The following TIAM2 variants were observed in gnomAD, a reference collection of about 807,000 sequenced individuals.
TIAM2 encodes rho guanine nucleotide exchange factor TIAM2.
Under a neutral mutation model 152.9 loss-of-function variants are expected in TIAM2, and 80 were observed. The ratio of observed to expected loss-of-function variants is 0.52; its 90% CI spans 0.44 to 0.63. The LOEUF (loss-of-function observed/expected upper bound fraction) is 0.63, where lower values mean the gene tolerates loss of function less well. TIAM2 is among the 30% of genes least tolerant of loss of function. The pLI is 0.00. For missense variants in TIAM2, 1,965 were observed against 2,120.1 expected (o/e 0.93, Z 1.44); for synonymous variants, 804 against 838.0 (o/e 0.96, Z 0.70).
chr6:155,018,444 AC>A (rs1264967456), intron 1 of TIAM2, among the ~76,000 whole-genome samples: 2 of 151,196 alleles, frequency 1.3e-5, no homozygotes, highest in Non-Finnish European at 2.9e-5. Context: ...ACACAGTGAA[AC>A]CCCGTGTCAC....
intron 15 of TIAM2, among the ~76,000 whole-genome samples, chr6:155,221,107 CTTGTT>C (rs1453379158): frequency 3.2e-4 from 21 of 65,480 alleles, no homozygotes; most frequent in African/African-American, 7.0e-4. Context: ...TCTCTTTCAT[CTTGTT>C]TTTTTTTTTT....
intron 7 of TIAM2, among the ~76,000 whole-genome samples, chr6:155,155,385 C>CA (rs1780080659): frequency 6.6e-6 from 1 of 152,216 alleles, no homozygotes; most frequent in African/African-American, 2.4e-5. Flanking sequence ...ATGCTGGTCT[C>CA]AAACTCCTGA....
chr6:155,180,004 G>A lies in TIAM2; in HGVS notation c.2707+548G>A, dbSNP rs530855202. ...AGTTTAACAGTTGAGGGTCAGCTGG[G>A]CGCCGTGGCTCATGCCTGTAATCCC... On this transcript the variant is annotated intron_variant, in intron 12 of 26. Coordinates refer to ENST00000682666, the MANE Select transcript of TIAM2 (RefSeq NM_012454.4). 4.6e-5 allele frequency among the ~76,000 whole-genome samples: 7 copies of A among 152,300 alleles called. No individual in the cohort carries two copies. In the South Asian group the frequency reaches 6.2e-4, roughly 14 times the overall value.
chr6:155,179,430 C>T lies in TIAM2; in HGVS notation c.2681C>T (p.Thr894Met), dbSNP rs572376781. The stretch of plus-strand genomic sequence containing the variant: ...CTAAATGTTTATGACGTGCAGCTCA[C>T]GAAGACTGGGAGTGTGTGTGACTTT... ...FPLNVYDVQL[T>M]KTGSVCDFGF... Residue 894 changes from threonine (T) to methionine (M), a missense_variant, in exon 12 of 27, where the codon ACG becomes ATG. Thr to Met is a moderately conservative substitution (Grantham distance 81). Coordinates refer to ENST00000682666, the MANE Select transcript of TIAM2 (RefSeq NM_012454.4). 120 of 1,613,434 alleles carry T rather than the reference C, an allele frequency of 7.4e-5. No individual in the cohort carries two copies. In the South Asian group the frequency reaches 9.3e-4, roughly 12 times the overall value.
chr6:155,015,288 G>T (rs994572758), intron 1 of TIAM2, among the ~76,000 whole-genome samples: 10 of 152,138 alleles, frequency 6.6e-5, no homozygotes, highest in African/African-American at 2.4e-4. Flanking sequence ...GATTACATTT[G>T]GGTCAAGTCA....
At chr6:155,200,994 A>G (rs1781462028) in intron 14 of TIAM2, among the ~76,000 whole-genome samples, 2 of 152,322 alleles carry the variant, frequency 1.3e-5, no homozygotes, top group South Asian at 4.2e-4. Context: ...GCTCCTGGCA[A>G]CTATGAATCT....
chr6:155,186,967 A>G lies in TIAM2; in HGVS notation c.3064+3467A>G, dbSNP rs1781055094. On this transcript the variant is annotated intron_variant, in intron 14 of 26. Coordinates refer to ENST00000682666, the MANE Select transcript of TIAM2 (RefSeq NM_012454.4). This position sits in a 1 kb window ranked among gnomAD's most constrained non-coding sequence, Gnocchi z 4.5. ...TCTGTTTGCTTTTCCAGAGAAGCCA[A>G]TCCTTTGCTTGCTATAAAAACCAAA... 6.6e-6 allele frequency among the ~76,000 whole-genome samples: 1 copy of G among 152,292 alleles called. No individual in the cohort carries two copies. Among genetic ancestry groups the G allele is most frequent in the East Asian group, 1.9e-4 (1 of 5,176 alleles).
chr6:155,065,049 G>A (rs993267310), intron 1 of TIAM2, among the ~76,000 whole-genome samples: 7 of 152,042 alleles, frequency 4.6e-5, no homozygotes, highest in African/African-American at 1.4e-4. Flanking sequence ...TCCACCTCCC[G>A]GTTTCAAGGT....
At position 155,205,653 on chromosome 6, in the gene TIAM2, C is replaced by T. The variant is rs550665670; in HGVS notation, c.3065-5551C>T. Among the ~76,000 whole-genome samples the T allele has an allele frequency of 3.9e-5, 6 of 152,298 alleles. 1 individual carries two copies. In the South Asian group the frequency reaches 1.0e-3, roughly 26 times the overall value. ...GATGGCATCAGCCAGATGAACCATA[C>T]GTAGCTGCCTGAGGAGAGTCAGGCT... On this transcript the variant is annotated intron_variant, in intron 14 of 26. Coordinates refer to ENST00000682666, the MANE Select transcript of TIAM2 (RefSeq NM_012454.4).
intron 15 of TIAM2, among the ~76,000 whole-genome samples, chr6:155,226,622 G>A (rs181771669): frequency 9.1e-4 from 133 of 145,764 alleles, no homozygotes; most frequent in Non-Finnish European, 1.6e-3. Context: ...CAGAGATCGT[G>A]CCACTGCACT....
At position 155,218,923 on chromosome 6, in the gene TIAM2, TGTTCTTGACCATCTCAGCCGC is replaced by T. The variant is rs1781949797; in HGVS notation, c.3168+7617_3168+7637del. 2.9e-5 allele frequency among the ~76,000 whole-genome samples: 4 copies of T among 137,922 alleles called. No homozygotes were observed. The highest frequency in any genetic ancestry group is 5.6e-5 in the African/African-American group (2 of 35,942). 90.5% of individuals were successfully genotyped at this position (137,922 alleles called of 152,430 possible). On this transcript the variant is annotated intron_variant, in intron 15 of 26. Transcript: ENST00000682666. This position sits in a 1 kb window ranked among gnomAD's most constrained non-coding sequence, Gnocchi z 4.5. ...CCCGTGTTCTTGACCATCTCAGCCG[TGTTCTTGACCATCTCAGCCGC>T]CCACCCGTGTTCTTGACCATCTCAG... is the stretch of plus-strand genomic sequence containing the variant.
chr6:155,211,244 G>A lies in TIAM2; in HGVS notation c.3105G>A (p.Arg1035=). 2 of 1,613,584 alleles carry A rather than the reference G, an allele frequency of 1.2e-6. No homozygotes were observed. The highest frequency in any genetic ancestry group is 8.5e-7 in the Non-Finnish European group (1 of 1,179,624). ...NVPDITTGLK[R]SQTDGTLDQV... ...CTGATATCACAACAGGTCTGAAAAG[G>A]AGTCAGACAGATGGCACTCTGGATC... Residue 1035 remains arginine (R), a synonymous_variant, in exon 15 of 27, where the codon AGG becomes AGA. Transcript: ENST00000682666.
intron 1 of TIAM2, among the ~76,000 whole-genome samples, chr6:155,048,153 G>T (rs1481184543): frequency 2.0e-5 from 3 of 152,114 alleles, no homozygotes; most frequent in Non-Finnish European, 2.9e-5. Context: ...GGGTTTCACT[G>T]TATTGGCCAG....
rs993821748 is a variant in TIAM2, at chr6:155,257,209, A to G, written c.*88A>G. 4 of 1,298,766 alleles carry G rather than the reference A, an allele frequency of 3.1e-6. No individual in the cohort carries two copies. Among genetic ancestry groups the G allele is most frequent in the African/African-American group, 1.5e-5 (1 of 66,406 alleles). 80.5% of individuals were successfully genotyped at this position (1,298,766 alleles called of 1,614,324 possible). On this transcript the variant is annotated 3_prime_UTR_variant, in exon 27 of 27. Transcript: ENST00000682666. The stretch of plus-strand genomic sequence containing the variant: ...AAATTGCAAAAAAAAAAAAAAAAAA[A>G]AACTGTTCATTCCTGGGTTTTGTGC...
intron 23 of TIAM2, 29 bp downstream of exon 23, chr6:155,252,032 C>T (rs1194096564): frequency 1.3e-6 from 2 of 1,558,114 alleles, no homozygotes; most frequent in Non-Finnish European, 1.8e-6. Flanking sequence ...TTAATTTAAG[C>T]TACCTTTTCA....
chr6:155,050,922 C>T (rs1275223238), intron 1 of TIAM2, among the ~76,000 whole-genome samples: 3 of 152,174 alleles, frequency 2.0e-5, no homozygotes, highest in Non-Finnish European at 2.9e-5. Flanking sequence ...ATTCATTGGC[C>T]TATCTAATCA....
At chr6:155,154,403 G>A (rs1263098254) in intron 7 of TIAM2, among the ~76,000 whole-genome samples, 3 of 152,042 alleles carry the variant, frequency 2.0e-5, no homozygotes, top group Non-Finnish European at 2.9e-5. Flanking sequence ...AGCTACATAC[G>A]GTCAGTGGTG....
intron 1 of TIAM2, among the ~76,000 whole-genome samples, chr6:155,003,024 A>G (rs1327117278): frequency 6.6e-6 from 1 of 152,030 alleles, no homozygotes; most frequent in East Asian, 1.9e-4. Flanking sequence ...CCACTTTTAT[A>G]TCCAGCCTGG....
intron 2 of TIAM2, among the ~76,000 whole-genome samples, 198 bp from the exon 3 acceptor site, chr6:155,127,292 T>C (rs1414356806): frequency 1.3e-5 from 2 of 152,174 alleles, no homozygotes; most frequent in Non-Finnish European, 2.9e-5. Context: ...TGGTGGCCTT[T>C]GCAAGACTGG....
Sources: gnomAD v4.1 joint callset for allele counts (sites outside exome capture counted in the v4.1 genomes callset) on GRCh38, gnomAD v4.1.1 for gene constraint, Gnocchi (gnomAD v3.1) non-coding constraint, MANE v1.5 for transcripts, NCBI Gene and HGNC (gene_info 2026-07-23, HGNC 2026-07-21) for gene names.